PCLO: variants seen among roughly 807,000 people sequenced by gnomAD.
The protein encoded by PCLO is protein piccolo.
Under a neutral mutation model 427.5 loss-of-function variants are expected in PCLO, and 82 were observed. The observed-to-expected ratio is 0.19, with a 90% CI of 0.16 to 0.23. The LOEUF (loss-of-function observed/expected upper bound fraction) is 0.23. PCLO is among the 10% of genes least tolerant of loss of function. PCLO has a pLI of 1.00. For synonymous variants in PCLO, 2,357 were observed against 2,155.4 expected, an observed-to-expected ratio of 1.09 and a Z score of -2.59; for missense variants, 6,239 against 6,115.9, an observed-to-expected ratio of 1.02 and a Z score of -0.67.
At position 82,859,549 on chromosome 7, in the gene PCLO, C is replaced by A. The variant is rs561263219; in HGVS notation, c.13655-12302G>T. Among the ~76,000 whole-genome samples the A allele has an allele frequency of 9.8e-5, 15 of 152,328 alleles. No individual in the cohort carries two copies. The South Asian group carries it at 2.9e-3, about 29-fold the overall frequency. The stretch of plus-strand genomic sequence containing the variant: ...CTGCCAGAACCACAGCATTACTGGG[C>A]TTGGGGTGCCCCCTAAAGCAGACAT... On this transcript the variant is annotated intron_variant, in intron 10 of 24. Coordinates refer to ENST00000333891, the MANE Select transcript of PCLO (RefSeq NM_033026.6).
Position 82,914,737 on chromosome 7 carries a change from C to G in PCLO, c.13249G>C (p.Asp4417His). The change falls in exon 7 of 25, where the codon GAC becomes CAC. Residue 4417 changes from aspartate (D) to histidine (H), a missense_variant. By Grantham distance (81) the Asp-to-His change is moderately conservative (BLOSUM62 -1). Coordinates refer to ENST00000333891, the MANE Select transcript of PCLO (RefSeq NM_033026.6). ...AAGTCATCCATGATGAATGCTATGT[C>G]ACGGTCATAGCCTCGAGTCCGTGAT... ...EESRTRGYDRDIAFIMDDFQH... is the reference protein window; with the variant it reads ...EESRTRGYDRHIAFIMDDFQH... 1 of 1,613,246 alleles carries G rather than the reference C, an allele frequency of 6.2e-7. No homozygotes were observed. The highest frequency in any genetic ancestry group is 8.5e-7 in the Non-Finnish European group (1 of 1,179,618).
At chr7:83,038,056 T>TA (rs1213250043) in intron 3 of PCLO, among the ~76,000 whole-genome samples, 14 of 51,420 alleles carry the variant, frequency 2.7e-4, no homozygotes, top group South Asian at 6.6e-4. Context: ...TATATCTTTA[T>TA]ATATATATTT....
chr7:82,929,063 G>C (rs553479396), intron 6 of PCLO, among the ~76,000 whole-genome samples: 14 of 152,142 alleles, frequency 9.2e-5, no homozygotes, highest in Non-Finnish European at 1.5e-5. Flanking sequence ...AGGGAAAAGA[G>C]GCATAGTAAG....
intron 22 of PCLO, among the ~76,000 whole-genome samples, chr7:82,762,542 AG>A (rs1209879011): frequency 6.6e-6 from 1 of 152,076 alleles, no homozygotes; most frequent in African/African-American, 2.4e-5. Context: ...CAGTCTTCAA[AG>A]AACCTTTGTT....
intron 3 of PCLO, among the ~76,000 whole-genome samples, chr7:83,062,961 C>T (rs1226992227): frequency 1.3e-5 from 2 of 151,998 alleles, no homozygotes; most frequent in African/African-American, 4.8e-5. Flanking sequence ...TATATAACTG[C>T]TATATTAATA....
chr7:82,908,687 G>A (rs759128000), intron 8 of PCLO, among the ~76,000 whole-genome samples, 190 bp downstream of exon 8: 13 of 152,098 alleles, frequency 8.5e-5, no homozygotes, highest in Non-Finnish European at 1.2e-4. Flanking sequence ...AAGTATCACA[G>A]CTATGCTCCA....
intron 6 of PCLO, among the ~76,000 whole-genome samples, chr7:82,943,981 C>T (rs1408024044): frequency 2.0e-5 from 3 of 151,356 alleles, no homozygotes; most frequent in East Asian, 3.9e-4. Flanking sequence ...AACATCTCTA[C>T]TAAAAAGCAC....
At chr7:82,976,978 C>G (rs1352885699) in intron 3 of PCLO, among the ~76,000 whole-genome samples, 1 of 152,046 alleles carries the variant, frequency 6.6e-6, no homozygotes, top group Non-Finnish European at 1.5e-5. Flanking sequence ...CATTTGCCTC[C>G]CAAAGTTCTG....
Position 82,954,791 on chromosome 7 carries a change from T to C in PCLO, c.6162A>G (p.Glu2054=), listed in dbSNP as rs1283469037. Residue 2054 remains glutamate (E), a synonymous_variant, in exon 5 of 25, where the codon GAA becomes GAG. Transcript: ENST00000333891. The part of the protein sequence containing the change: ...DLGTMVTSTE[E]ERKLLDADAA... ...CATCAGCATCTAGTAGTTTCCTTTCTTCTTCTGTAGAAGTTACCATAGTAC... is the reference window on the plus strand; with the variant it reads ...CATCAGCATCTAGTAGTTTCCTTTCCTCTTCTGTAGAAGTTACCATAGTAC... The C allele has an allele frequency of 1.2e-6, 2 of 1,613,836 alleles. No individual in the cohort carries two copies. Among genetic ancestry groups the C allele is most frequent in the Middle Eastern group, 1.6e-4 (1 of 6,062 alleles).
intron 3 of PCLO, among the ~76,000 whole-genome samples, chr7:83,060,315 A>T (rs975905322): frequency 3.9e-5 from 6 of 152,088 alleles, no homozygotes; most frequent in African/African-American, 1.4e-4. Flanking sequence ...CTTGGTGCTG[A>T]GGCTGCTGTT....
intron 9 of PCLO, among the ~76,000 whole-genome samples, chr7:82,901,485 T>C (rs1457379933): frequency 2.0e-5 from 3 of 152,118 alleles, no homozygotes; most frequent in East Asian, 3.9e-4. Flanking sequence ...GCAGAAAACC[T>C]AGGCATTACT....
chr7:82,848,294 C>T (rs999937892), intron 10 of PCLO, among the ~76,000 whole-genome samples: 2 of 137,750 alleles, frequency 1.5e-5, no homozygotes, highest in African/African-American at 5.2e-5. Flanking sequence ...TGTTGTTGAA[C>T]CATTAGTTAG....
At chr7:83,107,731 C>T (rs1352923234) in intron 3 of PCLO, among the ~76,000 whole-genome samples, 2 of 150,948 alleles carry the variant, frequency 1.3e-5, no homozygotes, top group East Asian at 3.9e-4. Flanking sequence ...TGGCTCACGC[C>T]TATAATCCCA....
rs1433046658 is a variant in PCLO, at chr7:82,952,694, A to G, written c.8259T>C (p.Asp2753=). ...CATTTGCTGTGATCTGCCTTTTCAC[A>G]TCCATTGTAGAAGCAGAAAGATCAA... is the stretch of plus-strand genomic sequence containing the variant. ...KCIDLSASTM[D]VKRQITANEV... Residue 2753 remains aspartate (D), a synonymous_variant, in exon 5 of 25, where the codon GAT becomes GAC. Transcript: ENST00000333891. The G allele has an allele frequency of 2.5e-6, 4 of 1,613,908 alleles. No homozygotes were observed. Among genetic ancestry groups the G allele is most frequent in the South Asian group, 2.2e-5 (2 of 91,088 alleles).
intron 3 of PCLO, among the ~76,000 whole-genome samples, chr7:83,129,516 A>G (rs1183666220): frequency 6.6e-6 from 1 of 152,142 alleles, no homozygotes; most frequent in Non-Finnish European, 1.5e-5. Context: ...AATCACATAC[A>G]CTAGTGGTGG....
At chr7:82,785,199 C>CA (rs1293510946) in intron 22 of PCLO, among the ~76,000 whole-genome samples, 1 of 152,070 alleles carries the variant, frequency 6.6e-6, no homozygotes, top group Non-Finnish European at 1.5e-5. Flanking sequence ...GGGATGGTTT[C>CA]AGGATGAAAC....
At chr7:82,933,173 G>A (rs906930191) in intron 6 of PCLO, among the ~76,000 whole-genome samples, 2 of 152,010 alleles carry the variant, frequency 1.3e-5, no homozygotes, top group East Asian at 3.9e-4. Context: ...CTGGCTGACA[G>A]TTCCTATCAG....
intron 3 of PCLO, among the ~76,000 whole-genome samples, chr7:83,100,039 G>C (rs1215149680): frequency 2.0e-5 from 3 of 152,018 alleles, no homozygotes; most frequent in Non-Finnish European, 4.4e-5. Context: ...TGATATTCTA[G>C]AGATACACAA....
At position 83,082,687 on chromosome 7, in the gene PCLO, T is replaced by C. The variant is rs1488607834; in HGVS notation, c.3300+51563A>G. 5.3e-5 allele frequency among the ~76,000 whole-genome samples: 8 copies of C among 151,828 alleles called. No homozygotes were observed. In the East Asian group the frequency reaches 9.7e-4, roughly 18 times the overall value. On this transcript the variant is annotated intron_variant, in intron 3 of 24. Transcript: ENST00000333891. ...AAGAAATGATTAAGCCTTGAAGTGA[T>C]AGATACCCTAATTACTCCGATTTGA...
Sources: allele counts gnomAD v4.1 joint callset (sites outside exome capture counted in the v4.1 genomes callset), GRCh38; gene constraint gnomAD v4.1.1; transcripts MANE v1.5; gene names NCBI Gene and HGNC (gene_info 2026-07-23, HGNC 2026-07-21).